The following SHISA6 variants were observed in gnomAD, a reference collection of about 807,000 sequenced individuals.
SHISA6 encodes shisa family member 6.
Under a neutral mutation model 47.9 loss-of-function variants are expected in SHISA6, and 22 were observed. That is an observed-to-expected ratio of 0.46 (90% CI 0.33 to 0.66). SHISA6 has a LOEUF of 0.66. Among genes scored for constraint, SHISA6 ranks in the 30% least tolerant of loss-of-function variants. SHISA6 has a pLI of 0.02. For missense variants in SHISA6, 680 were observed against 764.6 expected (o/e 0.89, Z 1.30); for synonymous variants, 388 against 337.8 (o/e 1.15, Z -1.63).
At chr17:11,287,081 CAT>C (rs1909327096) in intron 2 of SHISA6, among the ~76,000 whole-genome samples, 1 of 152,044 alleles carries the variant, frequency 6.6e-6, no homozygotes, top group African/African-American at 2.4e-5. Flanking sequence ...ACTTTAGAAA[CAT>C]GTGAAAATGC....
chr17:11,287,880 G>A (rs1257222490), intron 2 of SHISA6, among the ~76,000 whole-genome samples: 1 of 152,110 alleles, frequency 6.6e-6, no homozygotes, highest in Non-Finnish European at 1.5e-5. Flanking sequence ...ATCATTGTTA[G>A]TAACAGCTTT....
chr17:11,385,367 G>A (rs558545990), intron 3 of SHISA6, among the ~76,000 whole-genome samples: 105 of 152,140 alleles, frequency 6.9e-4, no homozygotes, highest in Admixed American at 2.2e-3. Flanking sequence ...GGTGTGGTCA[G>A]AAAGGTGCAG....
At chr17:11,439,664 A>G (rs1915046764) in intron 3 of SHISA6, among the ~76,000 whole-genome samples, 1 of 151,940 alleles carries the variant, frequency 6.6e-6, no homozygotes, top group African/African-American at 2.4e-5. Flanking sequence ...TAAATAAAGC[A>G]GGTAAAAAAA....
At chr17:11,459,557 C>A (rs1359099516) in intron 3 of SHISA6, among the ~76,000 whole-genome samples, 1 of 152,154 alleles carries the variant, frequency 6.6e-6, no homozygotes, top group Non-Finnish European at 1.5e-5. Context: ...ATAATCAAGA[C>A]CTCTTTCTGC....
intron 3 of SHISA6, among the ~76,000 whole-genome samples, chr17:11,380,766 C>T (rs867976209): frequency 3.9e-5 from 6 of 152,288 alleles, no homozygotes; most frequent in Middle Eastern, 3.4e-3. Context: ...GCCATCACCA[C>T]GTCAGGCAGG....
chr17:11,347,447 T>C (rs1008891322), intron 2 of SHISA6, among the ~76,000 whole-genome samples: 7 of 152,210 alleles, frequency 4.6e-5, no homozygotes, highest in African/African-American at 1.7e-4. Context: ...GAGAACCTTT[T>C]CAATTATACC....
In SHISA6 at chr17:11,408,388, G is replaced by A. The variant is rs144559049; in HGVS notation, c.895+28879G>A. Among the ~76,000 whole-genome samples, 14 of 152,296 alleles carry A rather than the reference G, an allele frequency of 9.2e-5. 1 individual carries two copies. The East Asian group carries it at 2.5e-3, about 27-fold the overall frequency. On this transcript the variant is annotated intron_variant, in intron 3 of 5. Coordinates refer to ENST00000441885, the MANE Select transcript of SHISA6 (RefSeq NM_207386.4). ...CAGACTTACTGAATCAGAAGCTCTG[G>A]GGGTGGGATCAGCAGTGTGTGTTTT...
chr17:11,328,796 G>T (rs1405704696), intron 2 of SHISA6, among the ~76,000 whole-genome samples: 2 of 152,134 alleles, frequency 1.3e-5, no homozygotes, highest in African/African-American at 4.8e-5. Flanking sequence ...ACCAGGGAAG[G>T]GGCAAATGGA....
intron 3 of SHISA6, among the ~76,000 whole-genome samples, chr17:11,510,874 G>A (rs193054789): frequency 1.5e-4 from 23 of 152,248 alleles, no homozygotes; most frequent in African/African-American, 4.1e-4. Context: ...AGTCAGCATC[G>A]TTTGTAGCTA....
chr17:11,524,794 C>T (rs1329237667), intron 3 of SHISA6, among the ~76,000 whole-genome samples: 15 of 152,204 alleles, frequency 9.9e-5, no homozygotes, highest in East Asian at 7.7e-4. Context: ...CCACTGCGCC[C>T]GGTCTATTTC....
At chr17:11,247,440 C>A (rs781704705) in intron 1 of SHISA6, among the ~76,000 whole-genome samples, 1 of 152,158 alleles carries the variant, frequency 6.6e-6, no homozygotes, top group Non-Finnish European at 1.5e-5. Flanking sequence ...AGGTCACCAC[C>A]CTCCTTCCCT....
intron 2 of SHISA6, among the ~76,000 whole-genome samples, chr17:11,320,087 C>T (rs1910659865): frequency 2.6e-5 from 4 of 152,144 alleles, no homozygotes; most frequent in Admixed American, 2.6e-4. Context: ...AATAGATGAA[C>T]TGGCATTCAG....
chr17:11,492,314 A>G (rs1346908442), intron 3 of SHISA6, among the ~76,000 whole-genome samples: 1 of 152,154 alleles, frequency 6.6e-6, no homozygotes, highest in Non-Finnish European at 1.5e-5. Context: ...AACAGCTTTA[A>G]GCTGAATGAA....
intron 2 of SHISA6, among the ~76,000 whole-genome samples, chr17:11,320,548 C>T (rs946178312): frequency 2.6e-5 from 4 of 152,114 alleles, no homozygotes; most frequent in South Asian, 2.1e-4. Flanking sequence ...ATCCCAGCTA[C>T]TCAGGAGGCT....
At chr17:11,265,973 C>T (rs766471335) in intron 2 of SHISA6, among the ~76,000 whole-genome samples, 16 of 152,274 alleles carry the variant, frequency 1.1e-4, no homozygotes, top group Non-Finnish European at 2.1e-4. Context: ...CTTCACTTTG[C>T]GCTTAGAGAT....
At chr17:11,509,431 T>C (rs1024209076) in intron 3 of SHISA6, among the ~76,000 whole-genome samples, 20 of 152,226 alleles carry the variant, frequency 1.3e-4, no homozygotes, top group African/African-American at 3.9e-4. Flanking sequence ...AACTGTATGA[T>C]GCAGGAAGGA....
intron 3 of SHISA6, among the ~76,000 whole-genome samples, chr17:11,507,302 T>C (rs1415626862): frequency 6.6e-6 from 1 of 152,170 alleles, no homozygotes; most frequent in African/African-American, 2.4e-5. Context: ...AAGGAGCACA[T>C]AAGACCTGCC....
chr17:11,244,661 C>G (rs1306014431), intron 1 of SHISA6, among the ~76,000 whole-genome samples: 1 of 152,092 alleles, frequency 6.6e-6, no homozygotes, highest in African/African-American at 2.4e-5. Context: ...AATATTCACA[C>G]CGTAATGAGT....
intron 3 of SHISA6, among the ~76,000 whole-genome samples, chr17:11,394,218 A>G (rs1037985625): frequency 1.3e-5 from 2 of 152,042 alleles, no homozygotes; most frequent in Non-Finnish European, 2.9e-5. Context: ...GGATGGATGG[A>G]TGGATAAATT....
Sources: allele counts gnomAD v4.1 joint callset (sites outside exome capture counted in the v4.1 genomes callset), GRCh38; gene constraint gnomAD v4.1.1; transcripts MANE v1.5; gene names NCBI Gene and HGNC (gene_info 2026-07-23, HGNC 2026-07-21).